CD200R1: variants seen among roughly 807,000 people sequenced by gnomAD.
CD200R1 encodes CD200 receptor 1, also known as cell surface glycoprotein CD200 receptor 1.
CD200R1 carries 30 observed loss-of-function variants against 38.1 expected under a neutral mutation model. That is an observed-to-expected ratio of 0.79 (90% CI 0.59 to 1.07). CD200R1 has a LOEUF of 1.07. CD200R1 is among the 50% of genes least tolerant of loss of function. The pLI is 0.00. For synonymous variants in CD200R1, 128 were observed against 152.1 expected, an observed-to-expected ratio of 0.84 and a Z score of 1.16; for missense variants, 372 against 415.4, an observed-to-expected ratio of 0.90 and a Z score of 0.91.
intron 1 of CD200R1, among the ~76,000 whole-genome samples, chr3:112,973,873 A>G (rs1025206645): frequency 5.9e-5 from 9 of 152,000 alleles, no homozygotes; most frequent in African/African-American, 1.9e-4. Flanking sequence ...AAACCAGGAC[A>G]CCCCCACAGT....
intron 1 of CD200R1, among the ~76,000 whole-genome samples, chr3:112,958,702 T>A (rs1932923843): frequency 6.6e-6 from 1 of 152,092 alleles, no homozygotes; most frequent in South Asian, 2.1e-4. Context: ...ACACATAACA[T>A]TAGAATATGC....
chr3:112,974,959 T>C lies in CD200R1; in HGVS notation c.-102A>G. The stretch of plus-strand genomic sequence containing the variant: ...AGACCCTCTCTGGTCAACTTCTCAG[T>C]ACAGGATCCTCTTACCCCATCAACA... On this transcript the variant is annotated 5_prime_UTR_variant, in exon 1 of 8. Coordinates refer to ENST00000308611, the MANE Select transcript of CD200R1 (RefSeq NM_138806.4). 1.1e-6 allele frequency: 1 copy of C among 870,578 alleles called. No individual in the cohort carries two copies. The highest frequency in any genetic ancestry group is 1.4e-5 in the South Asian group (1 of 71,392). The allele number at this position is 870,578 out of a possible 1,614,324, so 53.9% of individuals were successfully genotyped here.
chr3:112,946,936 A>C (rs1304727869), intron 2 of CD200R1, among the ~76,000 whole-genome samples: 1 of 129,580 alleles, frequency 7.7e-6, no homozygotes, highest in Non-Finnish European at 1.6e-5. Flanking sequence ...AAACAATGGA[A>C]TATTATTCAG....
chr3:112,933,054 G>A (rs557878637), intron 2 of CD200R1, among the ~76,000 whole-genome samples: 53 of 152,238 alleles, frequency 3.5e-4, no homozygotes, highest in African/African-American at 1.2e-3. Flanking sequence ...CTGAGAAACA[G>A]CACAGCAGGC....
intron 3 of CD200R1, among the ~76,000 whole-genome samples, 172 bp downstream of exon 3, chr3:112,930,934 G>T (rs1401045914): frequency 2.0e-5 from 3 of 152,168 alleles, no homozygotes; most frequent in African/African-American, 7.2e-5. Context: ...TGGCTTGTTT[G>T]GAGAACAACT....
intron 1 of CD200R1, 33 bp from the exon 2 acceptor site, chr3:112,947,957 G>A: frequency 7.4e-7 from 1 of 1,350,932 alleles, no homozygotes; most frequent in Non-Finnish European, 1.1e-6. Context: ...GGGGTAGAGA[G>A]AGAAATATGC....
At chr3:112,927,520 A>G (rs145782211) in intron 5 of CD200R1, among the ~76,000 whole-genome samples, 9 of 152,302 alleles carry the variant, frequency 5.9e-5, no homozygotes, top group African/African-American at 2.2e-4. Context: ...TCCATACCCA[A>G]GGATTACCAA....
At position 112,923,811 on chromosome 3, in the gene CD200R1, C is replaced by G. The variant is rs779480264; in HGVS notation, c.925-12G>C. ...GGCTGCATTTCATCCTAAGAAAGAA[C>G]TCAAAGTTAAAATCAATTCAAAAAA... On this transcript the variant is annotated splice_polypyrimidine_tract_variant and intron_variant, in intron 7 of 7. Coordinates refer to ENST00000308611, the MANE Select transcript of CD200R1 (RefSeq NM_138806.4). 3.3e-6 allele frequency: 5 copies of G among 1,517,452 alleles called. No individual in the cohort carries two copies. The Admixed American group carries it at 7.8e-5, about 24-fold the overall frequency. 94.0% of individuals were successfully genotyped at this position (1,517,452 alleles called of 1,614,324 possible). A position where few individuals can be genotyped will look rare whatever the true frequency, so the allele number is the denominator to read the frequency against.
At chr3:112,927,278 C>G (rs1940301938) in intron 5 of CD200R1, among the ~76,000 whole-genome samples, 1 of 152,126 alleles carries the variant, frequency 6.6e-6, no homozygotes, top group African/African-American at 2.4e-5. Flanking sequence ...ATTGCTCCCT[C>G]CTTTCCCAAA....
At chr3:112,962,250 G>T (rs963305115) in intron 1 of CD200R1, among the ~76,000 whole-genome samples, 2 of 152,228 alleles carry the variant, frequency 1.3e-5, no homozygotes, top group South Asian at 4.1e-4. Context: ...AGACAAACAT[G>T]TTCCCTAACC....
At chr3:112,950,649 G>T (rs529740582) in intron 1 of CD200R1, among the ~76,000 whole-genome samples, 2 of 151,840 alleles carry the variant, frequency 1.3e-5, no homozygotes, top group East Asian at 1.9e-4. Flanking sequence ...TCGTATATTC[G>T]CTGAGTTTGG....
At chr3:112,954,890 C>T (rs1941054787) in intron 1 of CD200R1, among the ~76,000 whole-genome samples, 1 of 152,074 alleles carries the variant, frequency 6.6e-6, no homozygotes, top group Admixed American at 6.5e-5. Flanking sequence ...TCATGGGAAC[C>T]GAGTCTTATA....
chr3:112,950,074 T>C (rs1259581538), intron 1 of CD200R1, among the ~76,000 whole-genome samples: 1 of 152,196 alleles, frequency 6.6e-6, no homozygotes, highest in Non-Finnish European at 1.5e-5. Flanking sequence ...GAATCCAAAT[T>C]AAAAGTATTT....
intron 1 of CD200R1, among the ~76,000 whole-genome samples, chr3:112,949,781 T>C (rs565034990): frequency 2.6e-5 from 4 of 152,130 alleles, no homozygotes; most frequent in Admixed American, 2.6e-4. Context: ...GGCAAGTCCA[T>C]AAAATCAGGA....
chr3:112,947,350 T>C (rs1340835354), intron 2 of CD200R1, among the ~76,000 whole-genome samples: 1 of 152,134 alleles, frequency 6.6e-6, no homozygotes, highest in Non-Finnish European at 1.5e-5. Context: ...TAGTCAGGTA[T>C]GTTGATAATG....
intron 1 of CD200R1, among the ~76,000 whole-genome samples, chr3:112,974,305 C>T (rs888398815): frequency 1.1e-4 from 17 of 151,956 alleles, no homozygotes; most frequent in South Asian, 4.1e-4. Context: ...AGCATAGTGG[C>T]GCATATCTGT....
intron 2 of CD200R1, among the ~76,000 whole-genome samples, chr3:112,934,629 A>T (rs1940533571): frequency 6.6e-6 from 1 of 152,136 alleles, no homozygotes; most frequent in South Asian, 2.1e-4. Context: ...CAAGAGTTTG[A>T]GACTAGCCCG....
At chr3:112,937,889 C>T (rs1476886416) in intron 2 of CD200R1, among the ~76,000 whole-genome samples, 1 of 152,058 alleles carries the variant, frequency 6.6e-6, no homozygotes, top group Non-Finnish European at 1.5e-5. Flanking sequence ...TATAGTTTTT[C>T]TTAAAGAGGT....
At position 112,935,595 on chromosome 3, in the gene CD200R1, C is replaced by A. The variant is rs138971837; in HGVS notation, c.137-4424G>T. Reference sequence around the variant, plus strand: ...ATACAGCAAAAGCAGCATTAAGAGGCAAATCCATAGCAATAAATCCCTACA... The same window carrying A: ...ATACAGCAAAAGCAGCATTAAGAGGAAAATCCATAGCAATAAATCCCTACA... On this transcript the variant is annotated intron_variant, in intron 2 of 7. Transcript: ENST00000308611. Among the ~76,000 whole-genome samples the A allele has an allele frequency of 6.6e-3, 1,001 of 152,116 alleles. 12 individuals carry two copies. Among genetic ancestry groups the A allele is most frequent in the Non-Finnish European group, 0.011 (755 of 67,994 alleles).
Sources: gnomAD v4.1 joint callset for allele counts (sites outside exome capture counted in the v4.1 genomes callset) on GRCh38, gnomAD v4.1.1 for gene constraint, MANE v1.5 for transcripts, NCBI Gene and HGNC (gene_info 2026-07-23, HGNC 2026-07-21) for gene names.